Variants in SNX6 observed in about 807,000 individuals in gnomAD.
SNX6 encodes the protein sorting nexin-6.
A neutral mutation model predicts 63.0 loss-of-function variants in SNX6; 34 were observed. The observed-to-expected ratio is 0.54, with a 90% CI of 0.41 to 0.72. The LOEUF (loss-of-function observed/expected upper bound fraction) is 0.72. Among genes scored for constraint, SNX6 ranks in the 30% least tolerant of loss-of-function variants. The pLI is 0.00. For synonymous variants in SNX6, 170 were observed against 164.2 expected, an observed-to-expected ratio of 1.04 and a Z score of -0.27; for missense variants, 398 against 471.4, an observed-to-expected ratio of 0.84 and a Z score of 1.44.
At chr14:34,586,402 T>C (rs1882159777) in intron 8 of SNX6, 97 bp from the exon 9 acceptor site, 8 of 659,298 alleles carry the variant, frequency 1.2e-5, no homozygotes, top group South Asian at 1.8e-5. Flanking sequence ...TATGAGACAC[T>C]CTAGTAAAGA....
chr14:34,576,212 A>C (rs1399645665), intron 10 of SNX6, among the ~76,000 whole-genome samples: 1 of 151,872 alleles, frequency 6.6e-6, no homozygotes, highest in Non-Finnish European at 1.5e-5. Flanking sequence ...GGCGTGAGCC[A>C]CCGCGCCCGG....
At chr14:34,586,395 G>C (rs1882159470) in intron 8 of SNX6, 90 bp from the exon 9 acceptor site, 7 of 726,638 alleles carry the variant, frequency 9.6e-6, no homozygotes, top group South Asian at 6.4e-5. Context: ...TGTGTAATAT[G>C]AGACACTCTA....
At chr14:34,617,080 G>A (rs1401666551) in intron 2 of SNX6, among the ~76,000 whole-genome samples, 3 of 151,850 alleles carry the variant, frequency 2.0e-5, no homozygotes, top group Admixed American at 6.6e-5. Flanking sequence ...AGACTGTCTC[G>A]GGTTAAAAAA....
intron 5 of SNX6, 96 bp from the exon 6 acceptor site, chr14:34,603,567 G>T: frequency 9.8e-7 from 1 of 1,021,512 alleles, no homozygotes; most frequent in Non-Finnish European, 1.4e-6. Flanking sequence ...GGATTATTCC[G>T]AATGCAAATC....
Position 34,563,112 on chromosome 14 carries a change from G to C in SNX6, c.*10C>G. On this transcript the variant is annotated 3_prime_UTR_variant, in exon 14 of 14. Coordinates refer to ENST00000362031, the MANE Select transcript of SNX6 (RefSeq NM_152233.4). ...AGGCAGCCCTTTTTAACAGGAAGGCGGAGTGTGGCTTATGTGTCTCCATTT... is the reference window on the plus strand; with the variant it reads ...AGGCAGCCCTTTTTAACAGGAAGGCCGAGTGTGGCTTATGTGTCTCCATTT... The C allele has an allele frequency of 6.2e-7, 1 of 1,613,058 alleles. No homozygotes were observed. Among genetic ancestry groups the C allele is most frequent in the Non-Finnish European group, 8.5e-7 (1 of 1,179,222 alleles).
chr14:34,619,406 A>C (rs1883542453), intron 2 of SNX6, among the ~76,000 whole-genome samples: 1 of 151,992 alleles, frequency 6.6e-6, no homozygotes, highest in Non-Finnish European at 1.5e-5. Context: ...TCGGTAACAG[A>C]ACACAACTCT....
At chr14:34,588,019 T>C (rs1205054123) in intron 8 of SNX6, among the ~76,000 whole-genome samples, 1 of 148,474 alleles carries the variant, frequency 6.7e-6, no homozygotes, top group Non-Finnish European at 1.5e-5. Context: ...TTTTTTTTTT[T>C]CTTTTTGAGA....
intron 11 of SNX6, chr14:34,568,693 T>C: frequency 1.1e-6 from 1 of 941,348 alleles, no homozygotes; most frequent in Non-Finnish European, 1.7e-6. Flanking sequence ...TTTGTTCTAA[T>C]GCTTCTTGTT....
At chr14:34,587,261 G>A (rs139629113) in intron 8 of SNX6, among the ~76,000 whole-genome samples, 2,978 of 151,224 alleles carry the variant, frequency 0.02, 93 homozygotes, top group African/African-American at 0.067. Context: ...GGCCGGGCAC[G>A]GTGGCTCATG....
chr14:34,568,098 A>C, intron 11 of SNX6, 85 bp from the exon 12 acceptor site: 2 of 1,142,062 alleles, frequency 1.8e-6, no homozygotes, highest in Non-Finnish European at 2.5e-6. Flanking sequence ...CACCACCACA[A>C]CCATCAGAGC....
intron 5 of SNX6, 131 bp from the exon 6 acceptor site, chr14:34,603,602 T>A: frequency 1.4e-6 from 1 of 721,150 alleles, no homozygotes; most frequent in Non-Finnish European, 2.1e-6. Flanking sequence ...ATAATTCATG[T>A]AAACAAGGTT....
chr14:34,609,178 A>G (rs775368155), intron 3 of SNX6, among the ~76,000 whole-genome samples: 2 of 151,548 alleles, frequency 1.3e-5, no homozygotes, highest in Non-Finnish European at 2.9e-5. Flanking sequence ...GATTCTCAGA[A>G]TATTAATCTA....
chr14:34,562,702 CA>C lies in SNX6; in HGVS notation c.*419del, dbSNP rs1445958836. The C allele has an allele frequency of 6.5e-6, 1 of 154,142 alleles. No individual in the cohort carries two copies. The highest frequency in any genetic ancestry group is 1.8e-4 in the East Asian group (1 of 5,498). The allele number at this position is 154,142 out of a possible 1,614,324, so 9.5% of individuals were successfully genotyped here. On this transcript the variant is annotated 3_prime_UTR_variant, in exon 14 of 14. Transcript: ENST00000362031. ...CTAAGGTGGTATATGCTTTTAAAAACAAAATTTAAAAAATTCAAAAAAGGCA... is the reference window on the plus strand; with the variant it reads ...CTAAGGTGGTATATGCTTTTAAAAACAAATTTAAAAAATTCAAAAAAGGCA...
rs567810922 is a variant in SNX6 at position 34,611,496 on chromosome 14, G to T, written c.55-1754C>A. On this transcript the variant is annotated intron_variant, in intron 2 of 13. Transcript: ENST00000362031. Reference sequence around the variant, plus strand: ...TGTCTCAAAAAGAAAAAAAAAAAGGGGGGGAGGCCGGGTGTGGTGGCTCAC... The same window carrying T: ...TGTCTCAAAAAGAAAAAAAAAAAGGTGGGGAGGCCGGGTGTGGTGGCTCAC... Among the ~76,000 whole-genome samples the T allele has an allele frequency of 3.8e-4, 58 of 151,438 alleles. 1 individual carries two copies. The highest frequency in any genetic ancestry group is 1.2e-3 in the African/African-American group (51 of 41,362).
chr14:34,612,040 A>G (rs1043303085), intron 2 of SNX6, among the ~76,000 whole-genome samples: 1 of 152,134 alleles, frequency 6.6e-6, no homozygotes, highest in Non-Finnish European at 1.5e-5. Flanking sequence ...CGGCCTCCCA[A>G]AGTGCTGGGA....
intron 2 of SNX6, among the ~76,000 whole-genome samples, chr14:34,625,081 A>C (rs896430194): frequency 1.3e-5 from 2 of 151,728 alleles, no homozygotes; most frequent in African/African-American, 4.8e-5. Flanking sequence ...ATGCCCAGCT[A>C]ATTTTCTGTA....
At chr14:34,621,672 G>A (rs1012897048) in intron 2 of SNX6, among the ~76,000 whole-genome samples, 3 of 152,104 alleles carry the variant, frequency 2.0e-5, no homozygotes, top group Non-Finnish European at 4.4e-5. Flanking sequence ...CTCTAACCCT[G>A]TTCTTCCTTC....
chr14:34,617,870 A>G lies in SNX6; in HGVS notation c.55-8128T>C, dbSNP rs1217629420. Among the ~76,000 whole-genome samples the G allele has an allele frequency of 2.6e-5, 4 of 151,496 alleles. No homozygotes were observed. In the East Asian group the frequency reaches 7.8e-4, roughly 30 times the overall value. On this transcript the variant is annotated intron_variant, in intron 2 of 13. Transcript: ENST00000362031. ...CAGGAGGCAGAGCTTGCAGTGAGCC[A>G]AGATTGCACCACTGCACTCCAGCCT...
chr14:34,574,447 C>T (rs1594699389), intron 11 of SNX6, among the ~76,000 whole-genome samples: 1 of 150,972 alleles, frequency 6.6e-6, no homozygotes, highest in South Asian at 2.1e-4. Flanking sequence ...GTCAGGAGTT[C>T]GAGACCAGCC....
Sources: allele counts gnomAD v4.1 joint callset (sites outside exome capture counted in the v4.1 genomes callset), GRCh38; gene constraint gnomAD v4.1.1; transcripts MANE v1.5; gene names NCBI Gene and HGNC (gene_info 2026-07-23, HGNC 2026-07-21).